Variants in RABGAP1L observed in about 807,000 individuals in gnomAD.
RABGAP1L encodes RAB GTPase activating protein 1 like.
RABGAP1L carries 63 observed loss-of-function variants against 137.7 expected under a neutral mutation model. The ratio of observed to expected loss-of-function variants is 0.46; its 90% CI spans 0.37 to 0.56. The LOEUF (loss-of-function observed/expected upper bound fraction) is 0.56, where lower values mean the gene tolerates loss of function less well. RABGAP1L is among the 20% of genes least tolerant of loss of function. The pLI is 0.00. For synonymous variants in RABGAP1L, 431 were observed against 433.7 expected, an observed-to-expected ratio of 0.99 and a Z score of 0.08; for missense variants, 1,095 against 1,244.0, an observed-to-expected ratio of 0.88 and a Z score of 1.80.
chr1:174,965,089 TG>T (rs1392683303), intron 20 of RABGAP1L: 1 of 778,952 alleles, frequency 1.3e-6, no homozygotes, highest in East Asian at 2.7e-5. Flanking sequence ...CTTTCCCAGC[TG>T]TACATCTCCT....
chr1:174,329,294 T>C (rs1680814712), intron 11 of RABGAP1L, among the ~76,000 whole-genome samples: 4 of 152,066 alleles, frequency 2.6e-5, no homozygotes, highest in East Asian at 1.9e-4. Flanking sequence ...CAAGAAGAAA[T>C]AGAAAATCTG....
At chr1:174,284,513 G>A (rs12060460) in intron 10 of RABGAP1L, among the ~76,000 whole-genome samples, 34,195 of 152,062 alleles carry the variant, frequency 0.22, 4,098 homozygotes, top group Admixed American at 0.25. Flanking sequence ...TCCATGTCTA[G>A]TGAATAATGT....
intron 14 of RABGAP1L, among the ~76,000 whole-genome samples, chr1:174,670,170 T>G (rs1173282884): frequency 6.6e-6 from 1 of 152,130 alleles, no homozygotes; most frequent in Non-Finnish European, 1.5e-5. Flanking sequence ...TATATTACAG[T>G]TTTTAATATA....
intron 13 of RABGAP1L, among the ~76,000 whole-genome samples, chr1:174,571,797 A>T (rs1338465523): frequency 6.6e-6 from 1 of 152,172 alleles, no homozygotes; most frequent in Non-Finnish European, 1.5e-5. Context: ...TTCATTACGA[A>T]TTATGTAGTT....
intron 13 of RABGAP1L, among the ~76,000 whole-genome samples, chr1:174,438,768 A>ATATATT (rs1192689822): frequency 5.0e-5 from 7 of 139,126 alleles, no homozygotes; most frequent in South Asian, 2.2e-4. Context: ...ATATATATAT[A>ATATATT]TATATATATG....
intron 18 of RABGAP1L, among the ~76,000 whole-genome samples, chr1:174,755,035 C>T (rs1387093413): frequency 2.6e-5 from 4 of 152,100 alleles, no homozygotes; most frequent in South Asian, 2.1e-4. Context: ...AATTCTTCCC[C>T]CAGCCCCTAG....
At chr1:174,169,314 C>T (rs567686426) in intron 1 of RABGAP1L, among the ~76,000 whole-genome samples, 1 of 150,814 alleles carries the variant, frequency 6.6e-6, no homozygotes, top group Non-Finnish European at 1.5e-5. Context: ...CTGACCTCTG[C>T]CTCCCAGGTT....
chr1:174,238,626 C>T (rs1011273379), intron 4 of RABGAP1L, among the ~76,000 whole-genome samples: 1 of 150,508 alleles, frequency 6.6e-6, no homozygotes, highest in Non-Finnish European at 1.5e-5. Context: ...TCTGCCCGTT[C>T]TCAGATCTCC....
intron 10 of RABGAP1L, among the ~76,000 whole-genome samples, chr1:174,280,243 A>G (rs2148682938): frequency 6.6e-6 from 1 of 152,300 alleles, no homozygotes; most frequent in African/African-American, 2.4e-5. Context: ...GGTTGATGGT[A>G]ATCTGGAGAT....
At chr1:174,362,179 A>G (rs1256289773) in intron 11 of RABGAP1L, among the ~76,000 whole-genome samples, 1 of 152,154 alleles carries the variant, frequency 6.6e-6, no homozygotes, top group East Asian at 1.9e-4. Context: ...TATCCAGTCT[A>G]TCATTGATGG....
chr1:174,325,926 C>T (rs1172756745), intron 11 of RABGAP1L, among the ~76,000 whole-genome samples: 3 of 152,254 alleles, frequency 2.0e-5, no homozygotes, highest in Non-Finnish European at 2.9e-5. Context: ...CCCACATGGC[C>T]TAGGGGCCCT....
chr1:174,887,620 G>GA (rs1286358130), intron 19 of RABGAP1L, among the ~76,000 whole-genome samples: 1 of 152,058 alleles, frequency 6.6e-6, no homozygotes, highest in Admixed American at 6.6e-5. Context: ...CTTGGGGGGG[G>GA]GGTCATGGAT....
intron 19 of RABGAP1L, among the ~76,000 whole-genome samples, chr1:174,934,290 G>A (rs1454017645): frequency 2.6e-5 from 4 of 152,040 alleles, no homozygotes; most frequent in African/African-American, 7.2e-5. Context: ...GTTTCACCAT[G>A]TAGGTCAGGC....
chr1:174,844,021 G>A (rs1267751944), intron 19 of RABGAP1L, among the ~76,000 whole-genome samples: 1 of 148,584 alleles, frequency 6.7e-6, no homozygotes, highest in Non-Finnish European at 1.5e-5. Context: ...CTGCATAAAT[G>A]TCTTCTTTTG....
intron 17 of RABGAP1L, among the ~76,000 whole-genome samples, chr1:174,737,226 T>A (rs918095219): frequency 1.3e-5 from 2 of 152,166 alleles, no homozygotes; most frequent in Non-Finnish European, 2.9e-5. Flanking sequence ...ACTCCCATAT[T>A]TGATTGTAGG....
intron 12 of RABGAP1L, among the ~76,000 whole-genome samples, chr1:174,384,873 T>C (rs1488439618): frequency 6.6e-6 from 1 of 152,224 alleles, no homozygotes; most frequent in Non-Finnish European, 1.5e-5. Flanking sequence ...TTTATATATC[T>C]ATATTTGGTA....
At chr1:174,563,953 C>G (rs1667395447) in intron 13 of RABGAP1L, among the ~76,000 whole-genome samples, 1 of 152,074 alleles carries the variant, frequency 6.6e-6, no homozygotes, top group African/African-American at 2.4e-5. Context: ...AAAAATTATG[C>G]CTTTTTCAAA....
chr1:174,242,842 A>G (rs1481361142), intron 5 of RABGAP1L: 1 of 152,202 alleles, frequency 6.6e-6, no homozygotes, highest in East Asian at 1.9e-4. Flanking sequence ...ATGGTCTGAT[A>G]GACAGGAGAG....
At chr1:174,249,077 T>A (rs1198761479) in intron 5 of RABGAP1L, among the ~76,000 whole-genome samples, 1 of 152,146 alleles carries the variant, frequency 6.6e-6, no homozygotes, top group Non-Finnish European at 1.5e-5. Context: ...TTAGAGTACT[T>A]CTTCACTTTA....
Sources: gnomAD v4.1 joint callset for allele counts (sites outside exome capture counted in the v4.1 genomes callset) on GRCh38, gnomAD v4.1.1 for gene constraint, MANE v1.5 for transcripts, NCBI Gene and HGNC (gene_info 2026-07-23, HGNC 2026-07-21) for gene names.